PARD3B: variants seen among roughly 807,000 people sequenced by gnomAD.
PARD3B encodes the protein par-3 family cell polarity regulator beta.
PARD3B carries 103 observed loss-of-function variants against 130.2 expected under a neutral mutation model. The observed-to-expected ratio is 0.79, with a 90% CI of 0.67 to 0.93. PARD3B has a LOEUF of 0.93. Among genes scored for constraint, PARD3B ranks in the 40% least tolerant of loss-of-function variants. The pLI, the probability that PARD3B is intolerant of heterozygous loss-of-function variation, is 0.00. For synonymous variants in PARD3B, 583 were observed against 553.2 expected (o/e 1.05, Z -0.76); for missense variants, 1,609 against 1,499.2 (o/e 1.07, Z -1.21).
Position 205,121,833 on chromosome 2 carries a change from A to G in PARD3B, c.1049A>G (p.Asn350Ser), listed in dbSNP as rs776751976. Residue 350 changes from asparagine (N) to serine (S), a missense_variant, in exon 8 of 23, where the codon AAC becomes AGC. Transcript: ENST00000406610. This position sits in a 1 kb window ranked among gnomAD's most constrained non-coding sequence, Gnocchi z 5.0. ...ETDASASLQQNKSPRVPRLGG... is the reference protein window; with the variant it reads ...ETDASASLQQSKSPRVPRLGG... The stretch of plus-strand genomic sequence containing the variant: ...GATGCATCAGCTTCCCTGCAACAAA[A>G]CAAGAGTCCCCGAGTACCAAGGCTG... 1 of 1,614,098 alleles carries G rather than the reference A, an allele frequency of 6.2e-7. No individual in the cohort carries two copies. Among genetic ancestry groups the G allele is most frequent in the Non-Finnish European group, 8.5e-7 (1 of 1,180,012 alleles).
At chr2:205,537,520 A>C (rs111465786) in intron 21 of PARD3B, among the ~76,000 whole-genome samples, 1 of 152,334 alleles carries the variant, frequency 6.6e-6, no homozygotes, top group South Asian at 2.1e-4. Context: ...ACAGACACTG[A>C]GGATGCTTTC....
At chr2:204,613,304 T>C (rs1346598027) in intron 1 of PARD3B, among the ~76,000 whole-genome samples, 1 of 152,158 alleles carries the variant, frequency 6.6e-6, no homozygotes, top group Non-Finnish European at 1.5e-5. Flanking sequence ...TTCAGTATTA[T>C]TGTTGAGAAG....
rs2036476472 is a variant in PARD3B at position 204,675,128 on chromosome 2, T to C, written c.121-11053T>C. On this transcript the variant is annotated intron_variant, in intron 1 of 22. Transcript: ENST00000406610. The surrounding 1 kb of genome is among the most constrained non-coding windows in gnomAD (Gnocchi z 4.4). ...CAGGGCTTTGGACTATAAAATTTCATTGGAAACAAATAATGGAAAACAGGA... is the reference window on the plus strand; with the variant it reads ...CAGGGCTTTGGACTATAAAATTTCACTGGAAACAAATAATGGAAAACAGGA... Among the ~76,000 whole-genome samples the C allele has an allele frequency of 6.6e-6, 1 of 152,134 alleles. No individual in the cohort carries two copies. The highest frequency in any genetic ancestry group is 1.5e-5 in the Non-Finnish European group (1 of 68,020).
intron 2 of PARD3B, among the ~76,000 whole-genome samples, chr2:204,786,913 C>T (rs772917558): frequency 2.0e-5 from 3 of 151,796 alleles, no homozygotes; most frequent in Non-Finnish European, 4.4e-5. Context: ...AAAGCATTTG[C>T]CAGTCGTACA....
chr2:205,089,693 C>T (rs989101880), intron 4 of PARD3B, among the ~76,000 whole-genome samples: 3 of 152,152 alleles, frequency 2.0e-5, no homozygotes, highest in African/African-American at 7.2e-5. Context: ...TTCTCCATTT[C>T]CTGAAGTCAA....
rs2035502386 is a variant in PARD3B at position 205,176,865 on chromosome 2, CTG to C, written c.1924+290_1924+291del. ...TCACTGGAGAATCAAAGATGGCAAA[CTG>C]TTATTTTTAAGCTCTTCTAATACTG... On this transcript the variant is annotated intron_variant, in intron 13 of 22. Transcript: ENST00000406610. This position sits in a 1 kb window ranked among gnomAD's most constrained non-coding sequence, Gnocchi z 5.3. Among the ~76,000 whole-genome samples, 1 of 152,084 alleles carries C rather than the reference CTG, an allele frequency of 6.6e-6. No individual in the cohort carries two copies. The highest frequency in any genetic ancestry group is 1.5e-5 in the Non-Finnish European group (1 of 68,018).
chr2:205,007,743 A>G lies in PARD3B; in HGVS notation c.395-39838A>G, dbSNP rs568695281. ...TGTGAAGAATGATGCTGGCATTTTG[A>G]TGGGAATTGCATTGAATCTGTAGAT... is the stretch of plus-strand genomic sequence containing the variant. On this transcript the variant is annotated intron_variant, in intron 3 of 22. Transcript: ENST00000406610. 2.6e-5 allele frequency among the ~76,000 whole-genome samples: 4 copies of G among 152,220 alleles called. No homozygotes were observed. The East Asian group carries it at 7.7e-4, about 29-fold the overall frequency.
At chr2:205,053,284 AAATAATT>A (rs1414412294) in intron 4 of PARD3B, among the ~76,000 whole-genome samples, 3 of 151,950 alleles carry the variant, frequency 2.0e-5, no homozygotes, top group Non-Finnish European at 4.4e-5. Context: ...TTCAGGGTTA[AAATAATT>A]GATCGCCACT....
At chr2:204,928,993 A>G (rs1358295536) in intron 2 of PARD3B, among the ~76,000 whole-genome samples, 1 of 152,060 alleles carries the variant, frequency 6.6e-6, no homozygotes, top group African/African-American at 2.4e-5. Context: ...TAGAGTGGAA[A>G]TATTTAACTT....
At chr2:204,668,385 A>G (rs1319244545) in intron 1 of PARD3B, among the ~76,000 whole-genome samples, 6 of 152,150 alleles carry the variant, frequency 3.9e-5, no homozygotes, top group Non-Finnish European at 7.3e-5. Flanking sequence ...TAGATTTTCC[A>G]TCTCTGTTTC....
chr2:204,639,826 T>G (rs1420833586), intron 1 of PARD3B, among the ~76,000 whole-genome samples: 2 of 152,186 alleles, frequency 1.3e-5, no homozygotes, highest in Non-Finnish European at 2.9e-5. Context: ...ATTTATCAGA[T>G]AAAGAAACCA....
At chr2:205,172,472 A>G in intron 12 of PARD3B, 91 bp downstream of exon 12, 1 of 1,316,064 alleles carries the variant, frequency 7.6e-7, no homozygotes, top group Non-Finnish European at 1.0e-6. Flanking sequence ...CTAGATTCAT[A>G]TCGAGAAAAT....
chr2:205,313,627 G>A (rs1342483465), intron 18 of PARD3B, among the ~76,000 whole-genome samples: 1 of 152,102 alleles, frequency 6.6e-6, no homozygotes, highest in Non-Finnish European at 1.5e-5. Context: ...TTATTTATTT[G>A]ATTCAAACTC....
intron 15 of PARD3B, among the ~76,000 whole-genome samples, chr2:205,219,264 C>A (rs1442523812): frequency 2.0e-5 from 3 of 152,008 alleles, no homozygotes; most frequent in Non-Finnish European, 4.4e-5. Context: ...CAGAAAGGAG[C>A]GTGATTTAAG....
intron 19 of PARD3B, among the ~76,000 whole-genome samples, chr2:205,428,580 A>G (rs1036106113): frequency 6.6e-6 from 1 of 152,132 alleles, no homozygotes; most frequent in Non-Finnish European, 1.5e-5. Flanking sequence ...TAAGGCTTCC[A>G]GTCTATTTTA....
rs2052981643 is a variant in PARD3B at position 205,558,274 on chromosome 2, A to C, written c.3260+4871A>C. On this transcript the variant is annotated intron_variant, in intron 22 of 22. Coordinates refer to ENST00000406610, the MANE Select transcript of PARD3B (RefSeq NM_001302769.2). This position sits in a 1 kb window ranked among gnomAD's most constrained non-coding sequence, Gnocchi z 4.8. The stretch of plus-strand genomic sequence containing the variant: ...TAGAGGCCATACCCAGGGCGAGTTA[A>C]CCAGGAAGGTGGAGCATGATGCTCT... Among the ~76,000 whole-genome samples the C allele has an allele frequency of 1.3e-5, 2 of 152,206 alleles. No homozygotes were observed. Among genetic ancestry groups the C allele is most frequent in the Admixed American group, 6.5e-5 (1 of 15,290 alleles).
chr2:205,224,760 T>G (rs986328950), intron 15 of PARD3B, among the ~76,000 whole-genome samples: 1 of 152,134 alleles, frequency 6.6e-6, no homozygotes, highest in Non-Finnish European at 1.5e-5. Context: ...ATCTCATTCT[T>G]TTTTATGGCT....
chr2:204,821,207 A>G (rs151290752), intron 2 of PARD3B, among the ~76,000 whole-genome samples: 512 of 152,250 alleles, frequency 3.4e-3, no homozygotes, highest in Non-Finnish European at 5.7e-3. Flanking sequence ...GTGGGAAACA[A>G]CTGACTCATG....
At position 205,525,092 on chromosome 2, in the gene PARD3B, C is replaced by A. The variant is rs978782915; in HGVS notation, c.3180+25061C>A. Among the ~76,000 whole-genome samples, 4 of 152,208 alleles carry A rather than the reference C, an allele frequency of 2.6e-5. No individual in the cohort carries two copies. The highest frequency in any genetic ancestry group is 4.4e-5 in the Non-Finnish European group (3 of 68,026). ...GGACAGTTTTATTGCCTCACAAAGG[C>A]TATTTTCTTAGCTGCAACTTTCTTA... On this transcript the variant is annotated intron_variant, in intron 21 of 22. Transcript: ENST00000406610. The surrounding 1 kb of genome is among the most constrained non-coding windows in gnomAD (Gnocchi z 4.2).
Sources: allele counts gnomAD v4.1 joint callset (sites outside exome capture counted in the v4.1 genomes callset), GRCh38; gene constraint gnomAD v4.1.1; non-coding constraint Gnocchi (gnomAD v3.1); transcripts MANE v1.5; gene names NCBI Gene and HGNC (gene_info 2026-07-23, HGNC 2026-07-21).